ACTR3: variants seen among roughly 807,000 people sequenced by gnomAD.
The protein encoded by ACTR3 is actin related protein 3.
In ACTR3, 12 loss-of-function variants were observed where a neutral mutation model predicts 56.8. That is an observed-to-expected ratio of 0.21 (90% CI 0.14 to 0.34). ACTR3 has a LOEUF of 0.34. Ranked by LOEUF, ACTR3 falls within the 10% of genes least tolerant of loss-of-function variation. The pLI, the probability that ACTR3 is intolerant of heterozygous loss-of-function variation, is 1.00. For synonymous variants in ACTR3, 162 were observed against 167.4 expected (o/e 0.97, Z 0.25); for missense variants, 282 against 512.5 (o/e 0.55, Z 4.34).
At chr2:113,955,470 C>G (rs1680192612) in intron 10 of ACTR3, 153 bp from the exon 11 acceptor site, 1 of 574,204 alleles carries the variant, frequency 1.7e-6, no homozygotes, top group Non-Finnish European at 3.0e-6. Context: ...CCCCTTTCCT[C>G]TGAGACAGCC....
At chr2:113,928,097 G>A (rs988381705) in intron 4 of ACTR3, among the ~76,000 whole-genome samples, 9 of 151,900 alleles carry the variant, frequency 5.9e-5, no homozygotes, top group African/African-American at 2.2e-4. Flanking sequence ...GGAAAAATGA[G>A]AATTTCCCTT....
At chr2:113,900,962 A>G (rs1679088240) in intron 1 of ACTR3, among the ~76,000 whole-genome samples, 1 of 152,240 alleles carries the variant, frequency 6.6e-6, no homozygotes, top group Admixed American at 6.5e-5. Context: ...GTTTATCTTT[A>G]TAGCTAATAT....
chr2:113,932,833 G>A (rs36079093), intron 5 of ACTR3, among the ~76,000 whole-genome samples: 7,146 of 152,096 alleles, frequency 0.047, 231 homozygotes, highest in Non-Finnish European at 0.071. Flanking sequence ...AGTTCTGTTA[G>A]CCTATAGTGA....
chr2:113,954,851 A>C (rs933492601), intron 10 of ACTR3: 23 of 151,922 alleles, frequency 1.5e-4, no homozygotes, highest in African/African-American at 5.6e-4. Context: ...TTGGGGTATC[A>C]CTGAGTCTAG....
At chr2:113,914,282 G>T (rs532946714) in intron 2 of ACTR3, among the ~76,000 whole-genome samples, 1 of 152,270 alleles carries the variant, frequency 6.6e-6, no homozygotes, top group Middle Eastern at 3.4e-3. Flanking sequence ...TGTCATTTGT[G>T]TAGTAAGAAC....
intron 3 of ACTR3, among the ~76,000 whole-genome samples, chr2:113,925,128 C>T (rs1679592697): frequency 6.6e-6 from 1 of 151,258 alleles, no homozygotes; most frequent in Admixed American, 6.6e-5. Flanking sequence ...AACTCCTGAC[C>T]TCAAATGATC....
chr2:113,936,081 C>T (rs1679819554), intron 6 of ACTR3, among the ~76,000 whole-genome samples: 1 of 152,006 alleles, frequency 6.6e-6, no homozygotes, highest in South Asian at 2.1e-4. Flanking sequence ...CTGCTTGAGC[C>T]TAGGAGTTCA....
rs2104604572 is a variant in ACTR3, at chr2:113,926,015, T to G, written c.226-1330T>G. ...CTGATAGTTCTGTTTATTAAATACC[T>G]AGGTCCAGGCAACTTAGTAGCCACT... On this transcript the variant is annotated intron_variant, in intron 3 of 11. Transcript: ENST00000263238. Among the ~76,000 whole-genome samples the G allele has an allele frequency of 3.3e-5, 5 of 152,336 alleles. 2 individuals carry two copies. The highest frequency in any genetic ancestry group is 3.3e-4 in the Admixed American group (5 of 15,290).
At chr2:113,895,935 T>C (rs1678999434) in intron 1 of ACTR3, among the ~76,000 whole-genome samples, 1 of 152,178 alleles carries the variant, frequency 6.6e-6, no homozygotes, top group Non-Finnish European at 1.5e-5. Flanking sequence ...CATGGCTCAC[T>C]GCATCCTCAA....
At chr2:113,938,952 ATTTG>A (rs71392596) in intron 6 of ACTR3, among the ~76,000 whole-genome samples, 7,234 of 151,746 alleles carry the variant, frequency 0.048, 227 homozygotes, top group Non-Finnish European at 0.071. Context: ...CATTCACGTT[ATTTG>A]TTTCCCTTTT....
rs1330624131 is a variant in ACTR3 at position 113,958,693 on chromosome 2, A to G, written c.*1238A>G. The G allele has an allele frequency of 6.6e-6, 1 of 151,772 alleles. No homozygotes were observed. The highest frequency in any genetic ancestry group is 1.5e-5 in the Non-Finnish European group (1 of 67,872). The allele number at this position is 151,772 out of a possible 1,614,324, so 9.4% of individuals were successfully genotyped here. A position where few individuals can be genotyped will look rare whatever the true frequency, so the allele number is the denominator to read the frequency against. On this transcript the variant is annotated 3_prime_UTR_variant, in exon 12 of 12. Coordinates refer to ENST00000263238, the MANE Select transcript of ACTR3 (RefSeq NM_005721.5). ...TTTGGGAGTTATTGAAATCTCTGTA[A>G]TGTGTATGGTAGAAAATTTCTTGTG...
At chr2:113,916,801 C>A in intron 2 of ACTR3, 83 bp from the exon 3 acceptor site, 3 of 1,237,816 alleles carry the variant, frequency 2.4e-6, no homozygotes, top group Non-Finnish European at 3.3e-6. Flanking sequence ...CTTTGTAGTA[C>A]TTTGTAATGG....
intron 4 of ACTR3, among the ~76,000 whole-genome samples, chr2:113,928,765 T>G (rs943220544): frequency 2.0e-5 from 3 of 152,196 alleles, no homozygotes; most frequent in Non-Finnish European, 4.4e-5. Flanking sequence ...CATGATGTGA[T>G]TTGTCCAATC....
chr2:113,890,096 A>G lies in ACTR3; in HGVS notation c.-184A>G. 1.5e-6 allele frequency: 1 copy of G among 681,706 alleles called. No homozygotes were observed. Among genetic ancestry groups the G allele is most frequent in the South Asian group, 1.7e-5 (1 of 57,694 alleles). 42.2% of individuals were successfully genotyped at this position (681,706 alleles called of 1,614,324 possible). A position where few individuals can be genotyped will look rare whatever the true frequency, so the allele number is the denominator to read the frequency against. On this transcript the variant is annotated 5_prime_UTR_variant, in exon 1 of 12. Transcript: ENST00000263238. ...GACTGCCTGCCTGCCTGGGTTGCGG[A>G]AGTGATAGCCGCCGACCGAGCCTGC...
intron 4 of ACTR3, among the ~76,000 whole-genome samples, chr2:113,928,403 T>A (rs919182199): frequency 6.6e-6 from 1 of 152,246 alleles, no homozygotes. Flanking sequence ...CTAAATACTT[T>A]AGCACGTATT....
At chr2:113,893,527 C>T (rs1314486708) in intron 1 of ACTR3, among the ~76,000 whole-genome samples, 5 of 152,022 alleles carry the variant, frequency 3.3e-5, no homozygotes, top group African/African-American at 9.7e-5. Flanking sequence ...CTCCTGACCT[C>T]GTGATCCACC....
At chr2:113,938,360 A>C (rs545302318) in intron 6 of ACTR3, among the ~76,000 whole-genome samples, 20 of 152,034 alleles carry the variant, frequency 1.3e-4, no homozygotes, top group Non-Finnish European at 2.8e-4. Flanking sequence ...CATGCTTATA[A>C]TTTTTGATTT....
In ACTR3 at chr2:113,959,551, C is replaced by T. The variant is rs1236764523; in HGVS notation, c.*2096C>T. 2 of 152,156 alleles carry T rather than the reference C, an allele frequency of 1.3e-5. No homozygotes were observed. Among genetic ancestry groups the T allele is most frequent in the African/African-American group, 2.4e-5 (1 of 41,566 alleles). 9.4% of individuals were successfully genotyped at this position (152,156 alleles called of 1,614,324 possible). A position where few individuals can be genotyped will look rare whatever the true frequency, so the allele number is the denominator to read the frequency against. ...AGATCAAAAACTTTCTTGAAGCTTACGCTTAACTTATTTGGGGAAACAAAA... is the reference window on the plus strand; with the variant it reads ...AGATCAAAAACTTTCTTGAAGCTTATGCTTAACTTATTTGGGGAAACAAAA... On this transcript the variant is annotated 3_prime_UTR_variant, in exon 12 of 12. Coordinates refer to ENST00000263238, the MANE Select transcript of ACTR3 (RefSeq NM_005721.5).
rs375441430 is a variant in ACTR3, at chr2:113,951,502, A to G, written c.882A>G (p.Gln294=). ...HPEFANPDFT[Q]PISEVVDEVI... ...AGTTTGCTAATCCAGACTTTACACAACCTATCTCAGAAGTTGTAGATGAAG... is the reference window on the plus strand; with the variant it reads ...AGTTTGCTAATCCAGACTTTACACAGCCTATCTCAGAAGTTGTAGATGAAG... The change falls in exon 9 of 12, where the codon CAA becomes CAG. Residue 294 remains glutamine, a synonymous_variant. Coordinates refer to ENST00000263238, the MANE Select transcript of ACTR3 (RefSeq NM_005721.5). 167 of 1,612,134 alleles carry G rather than the reference A, an allele frequency of 1.0e-4. No individual in the cohort carries two copies. The highest frequency in any genetic ancestry group is 1.3e-4 in the East Asian group (6 of 44,748).
Sources: allele counts gnomAD v4.1 joint callset (sites outside exome capture counted in the v4.1 genomes callset), GRCh38; gene constraint gnomAD v4.1.1; transcripts MANE v1.5; gene names NCBI Gene and HGNC (gene_info 2026-07-23, HGNC 2026-07-21).